CTNNA3: variants seen among roughly 807,000 people sequenced by gnomAD.
The protein encoded by CTNNA3 is catenin alpha 3.
CTNNA3 carries 76 observed loss-of-function variants against 95.7 expected under a neutral mutation model. The ratio of observed to expected loss-of-function variants is 0.79; its 90% CI spans 0.66 to 0.96. CTNNA3 has a LOEUF of 0.96. Among genes scored for constraint, CTNNA3 ranks in the 40% least tolerant of loss-of-function variants. The probability of loss-of-function intolerance (pLI) is 0.00; values close to 1 mark genes in which losing one functional copy is unlikely to be tolerated. For synonymous variants in CTNNA3, 431 were observed against 374.4 expected (o/e 1.15, Z -1.74); for missense variants, 1,191 against 1,089.8 (o/e 1.09, Z -1.31).
chr10:66,008,674 T>C (rs1005018273), intron 15 of CTNNA3, among the ~76,000 whole-genome samples: 2 of 152,232 alleles, frequency 1.3e-5, no homozygotes, highest in African/African-American at 4.8e-5. Flanking sequence ...TACAGAAATA[T>C]ACATTTTAAA....
chr10:66,292,065 G>A (rs561103705), intron 12 of CTNNA3, among the ~76,000 whole-genome samples: 7 of 141,824 alleles, frequency 4.9e-5, no homozygotes, highest in Admixed American at 3.7e-4. Context: ...TATAAAACAT[G>A]CATATACAGA....
At chr10:66,450,362 C>A (rs1401303366) in intron 11 of CTNNA3, among the ~76,000 whole-genome samples, 3 of 152,030 alleles carry the variant, frequency 2.0e-5, no homozygotes, top group Non-Finnish European at 4.4e-5. Context: ...GAAAGCAAAT[C>A]TAATCTATAT....
chr10:66,526,983 G>A (rs1030567541), intron 10 of CTNNA3, among the ~76,000 whole-genome samples: 1 of 151,690 alleles, frequency 6.6e-6, no homozygotes, highest in Non-Finnish European at 1.5e-5. Flanking sequence ...TGTGCTTTTG[G>A]TGTCATATGC....
At chr10:67,288,202 G>A (rs954761262) in intron 5 of CTNNA3, among the ~76,000 whole-genome samples, 1 of 152,140 alleles carries the variant, frequency 6.6e-6, no homozygotes, top group African/African-American at 2.4e-5. Context: ...GATTTCTCCT[G>A]TAGGACACAG....
intron 1 of CTNNA3, among the ~76,000 whole-genome samples, chr10:67,758,039 T>C (rs1466588239): frequency 6.6e-6 from 1 of 152,040 alleles, no homozygotes; most frequent in Admixed American, 6.6e-5. Context: ...TCCAATCCAC[T>C]GAGGGCCTAA....
Position 66,520,726 on chromosome 10 carries a change from C to A in CTNNA3, c.1422G>T (p.Ala474=), listed in dbSNP as rs372258059. 4 of 1,612,496 alleles carry A rather than the reference C, an allele frequency of 2.5e-6. No individual in the cohort carries two copies. In the African/African-American group the frequency reaches 4.0e-5, roughly 16 times the overall value. The change falls in exon 11 of 18, where the codon GCG becomes GCT. Residue 474 remains alanine, a synonymous_variant. Transcript: ENST00000433211. ...TGTACATTTCCATGGTGTTTTTGACCGCTTGACTTTTGGGTCTTGCAGCCA... is the reference window on the plus strand; with the variant it reads ...TGTACATTTCCATGGTGTTTTTGACAGCTTGACTTTTGGGTCTTGCAGCCA... ...LALAARPKSQ[A]VKNTMEMYKR...
At chr10:66,879,514 T>G (rs1844761710) in intron 7 of CTNNA3, among the ~76,000 whole-genome samples, 1 of 152,116 alleles carries the variant, frequency 6.6e-6, no homozygotes, top group Non-Finnish European at 1.5e-5. Context: ...TACCACACAC[T>G]ACTGTGTATT....
At chr10:66,933,935 G>T (rs766518965) in intron 7 of CTNNA3, among the ~76,000 whole-genome samples, 68 of 152,082 alleles carry the variant, frequency 4.5e-4, no homozygotes, top group Non-Finnish European at 8.4e-4. Context: ...CATATCTAAA[G>T]ATCAGAGAGA....
At chr10:66,749,948 C>A (rs1839063641) in intron 9 of CTNNA3, among the ~76,000 whole-genome samples, 1 of 152,168 alleles carries the variant, frequency 6.6e-6, no homozygotes, top group Non-Finnish European at 1.5e-5. Flanking sequence ...TTTTAGTTGG[C>A]AATTCCCCAA....
chr10:66,949,746 C>G (rs1362036305), intron 7 of CTNNA3, among the ~76,000 whole-genome samples: 2 of 152,126 alleles, frequency 1.3e-5, no homozygotes, highest in Non-Finnish European at 2.9e-5. Flanking sequence ...AGCAGACTTG[C>G]TAGACACAGG....
chr10:66,926,311 C>G (rs939124750), intron 7 of CTNNA3: 2 of 514,128 alleles, frequency 3.9e-6, no homozygotes, highest in Non-Finnish European at 7.0e-6. Flanking sequence ...TGTAAAGATG[C>G]AAAAACGTAA....
In CTNNA3 at chr10:67,640,738, A is replaced by G. The variant is rs190799714; in HGVS notation, c.99+6677T>C. ...CATCTGATCTTTGACAAACCTGACA[A>G]AAACAAGAAATGGGGAAACGATTCC... On this transcript the variant is annotated intron_variant, in intron 2 of 17. Transcript: ENST00000433211. Among the ~76,000 whole-genome samples the G allele has an allele frequency of 0.033, 5,091 of 152,172 alleles. 608 individuals carry two copies. The East Asian group carries it at 0.43, about 13-fold the overall frequency.
At chr10:67,422,963 T>C (rs1257583379) in intron 5 of CTNNA3, among the ~76,000 whole-genome samples, 1 of 152,150 alleles carries the variant, frequency 6.6e-6, no homozygotes, top group Non-Finnish European at 1.5e-5. Context: ...CAAGAAAAGG[T>C]TGATCTTTTA....
intron 12 of CTNNA3, among the ~76,000 whole-genome samples, chr10:66,287,721 T>C (rs1338207485): frequency 6.6e-6 from 1 of 152,138 alleles, no homozygotes; most frequent in Non-Finnish European, 1.5e-5. Flanking sequence ...ATTTTAAACT[T>C]GAAATTCAAT....
intron 12 of CTNNA3, among the ~76,000 whole-genome samples, chr10:66,333,989 G>T (rs7096924): frequency 0.78 from 119,186 of 151,886 alleles, 47,190 homozygotes; most frequent in Non-Finnish European, 0.84. Context: ...TGTAATGGCC[G>T]TCTTTATCTC....
chr10:67,180,276 G>A (rs749058823), intron 7 of CTNNA3, 41 bp downstream of exon 7: 8 of 1,520,670 alleles, frequency 5.3e-6, no homozygotes, highest in Non-Finnish European at 6.4e-6. Flanking sequence ...AAAGTACAAG[G>A]GAAGAGGGGC....
intron 7 of CTNNA3, among the ~76,000 whole-genome samples, chr10:66,779,617 C>T (rs932699386): frequency 3.9e-5 from 6 of 152,154 alleles, no homozygotes; most frequent in Admixed American, 3.3e-4. Flanking sequence ...CCTGCCTTGG[C>T]CTCCCAGTGC....
chr10:66,224,109 G>A (rs577035567), intron 13 of CTNNA3, among the ~76,000 whole-genome samples: 16 of 152,134 alleles, frequency 1.1e-4, no homozygotes, highest in Non-Finnish European at 1.9e-4. Context: ...CACTGTTTGA[G>A]CTGAGGCATC....
At chr10:66,039,704 C>T (rs1394514506) in intron 15 of CTNNA3, among the ~76,000 whole-genome samples, 1 of 152,082 alleles carries the variant, frequency 6.6e-6, no homozygotes, top group Middle Eastern at 3.2e-3. Context: ...TGGACACCTT[C>T]CTTACACCAT....
Sources: allele counts gnomAD v4.1 joint callset (sites outside exome capture counted in the v4.1 genomes callset), GRCh38; gene constraint gnomAD v4.1.1; transcripts MANE v1.5; gene names NCBI Gene and HGNC (gene_info 2026-07-23, HGNC 2026-07-21).